Variants in CRACD observed in about 807,000 individuals in gnomAD.
CRACD encodes the protein capping protein-inhibiting regulator of actin dynamics.
CRACD carries 56 observed loss-of-function variants against 106.8 expected under a neutral mutation model. The observed-to-expected ratio is 0.52, with a 90% CI of 0.42 to 0.66. The LOEUF is 0.66. Ranked by LOEUF, CRACD falls within the 30% of genes least tolerant of loss-of-function variation. The pLI is 0.00. For missense variants in CRACD, 1,730 were observed against 1,623.2 expected (o/e 1.07, Z -1.13); for synonymous variants, 754 against 670.8 (o/e 1.12, Z -1.92).
intron 3 of CRACD, among the ~76,000 whole-genome samples, chr4:56,280,148 T>TG (rs1742942251): frequency 1.6e-5 from 1 of 62,632 alleles, no homozygotes; most frequent in Non-Finnish European, 2.9e-5. Flanking sequence ...TGTTGTGGGG[T>TG]GGGGGGAGGG....
intron 2 of CRACD, among the ~76,000 whole-genome samples, chr4:56,199,420 A>G (rs1461936200): frequency 1.3e-5 from 2 of 152,194 alleles, no homozygotes; most frequent in Non-Finnish European, 2.9e-5. Context: ...GCAGTGGCTC[A>G]TGCCTGTAAT....
Position 56,165,692 on chromosome 4 carries a change from G to GA in CRACD, c.-335-13586dup, listed in dbSNP as rs556616651. 2.0e-3 allele frequency among the ~76,000 whole-genome samples: 302 copies of GA among 152,140 alleles called. 1 individual carries two copies. Among genetic ancestry groups the GA allele is most frequent in the African/African-American group, 6.6e-3 (273 of 41,516 alleles). ...TTATGTAGAAAGAGTTACCTCATGA[G>GA]AAAAAAGTCAAATAACATTAATAAT... On this transcript the variant is annotated intron_variant, in intron 1 of 10. Transcript: ENST00000682029.
At chr4:56,138,797 CCTT>C (rs1735093114) in intron 1 of CRACD, among the ~76,000 whole-genome samples, 1 of 152,180 alleles carries the variant, frequency 6.6e-6, no homozygotes, top group Non-Finnish European at 1.5e-5. Flanking sequence ...TAGTTTCAAA[CCTT>C]TTGACCTAGA....
At chr4:56,296,131 A>G (rs1320387959) in intron 3 of CRACD, among the ~76,000 whole-genome samples, 1 of 152,122 alleles carries the variant, frequency 6.6e-6, no homozygotes, top group Non-Finnish European at 1.5e-5. Context: ...CATGATGGCA[A>G]TACTATATGA....
At chr4:56,116,987 C>T (rs918230203) in intron 1 of CRACD, among the ~76,000 whole-genome samples, 1 of 149,304 alleles carries the variant, frequency 6.7e-6, no homozygotes, top group Admixed American at 6.7e-5. Flanking sequence ...GGATTACAGA[C>T]ATGAGCCACC....
chr4:56,086,674 G>C (rs1733230347), intron 1 of CRACD, among the ~76,000 whole-genome samples: 1 of 152,022 alleles, frequency 6.6e-6, no homozygotes, highest in African/African-American at 2.4e-5. Context: ...TTCCATGGCA[G>C]TCAGGAAGTG....
Position 56,325,666 on chromosome 4 carries a change from AAC to A in CRACD, c.3541+1401_3541+1402del, listed in dbSNP as rs567543923. On this transcript the variant is annotated intron_variant, in intron 10 of 10. Coordinates refer to ENST00000682029, the MANE Select transcript of CRACD (RefSeq NM_001393381.1). ...AAAGGTAAAACGATGTAATGTATCC[AAC>A]TATCTCCTTATTACCAATCACTTGA... Among the ~76,000 whole-genome samples the A allele has an allele frequency of 1.7e-3, 257 of 152,324 alleles. 1 individual carries two copies. The highest frequency in any genetic ancestry group is 5.9e-3 in the African/African-American group (246 of 41,564).
At chr4:56,198,518 C>T (rs1336660210) in intron 2 of CRACD, among the ~76,000 whole-genome samples, 5 of 152,162 alleles carry the variant, frequency 3.3e-5, no homozygotes, top group African/African-American at 1.2e-4. Context: ...AGAAAGTATG[C>T]ACTGAACTAC....
chr4:56,122,748 A>G (rs1174356972), intron 1 of CRACD, among the ~76,000 whole-genome samples: 2 of 152,184 alleles, frequency 1.3e-5, no homozygotes, highest in African/African-American at 4.8e-5. Context: ...ATTATATTTC[A>G]AAAATTCAAT....
At chr4:56,190,583 A>G (rs1373830940) in intron 2 of CRACD, among the ~76,000 whole-genome samples, 1 of 152,216 alleles carries the variant, frequency 6.6e-6, no homozygotes, top group Admixed American at 6.5e-5. Flanking sequence ...CTGTTCTCAC[A>G]TCTAGGTCAT....
intron 4 of CRACD, among the ~76,000 whole-genome samples, chr4:56,298,785 T>C (rs1259710188): frequency 2.0e-5 from 3 of 151,938 alleles, no homozygotes; most frequent in Admixed American, 2.0e-4. Context: ...ATGCAAAAAT[T>C]AGCTGGATGT....
rs551737664 is a variant in CRACD at position 56,106,143 on chromosome 4, A to G, written c.-336+56844A>G. Among the ~76,000 whole-genome samples the G allele has an allele frequency of 3.4e-5, 5 of 145,472 alleles. No individual in the cohort carries two copies. In the East Asian group the frequency reaches 1.0e-3, roughly 30 times the overall value. ...GGCAGTGTCCTTCTCCTTGGTTCCC[A>G]TTCAGGGGCCTGGATGAGGCAACTG... On this transcript the variant is annotated intron_variant, in intron 1 of 10. Transcript: ENST00000682029.
At chr4:56,162,279 C>T (rs1005816027) in intron 1 of CRACD, among the ~76,000 whole-genome samples, 36 of 152,250 alleles carry the variant, frequency 2.4e-4, no homozygotes, top group Non-Finnish European at 3.5e-4. Context: ...ACTGTAACCT[C>T]TAACTCCTGG....
chr4:56,307,683 C>A lies in CRACD; in HGVS notation c.269C>A (p.Ser90Ter). Reference sequence around the variant, plus strand: ...GTGACTCAGCAGGACATCGTCCTCTCAGACGCAGAGAACAAGGTAAGTCTC... The same window carrying A: ...GTGACTCAGCAGGACATCGTCCTCTAAGACGCAGAGAACAAGGTAAGTCTC... The part of the protein sequence containing the change: ...EIVTQQDIVL[S>*]DAENKSSDTP... The change falls in exon 5 of 11, where the codon TCA becomes TAA. Residue 90 changes from serine (S) to a stop codon, truncating the protein, a stop_gained. Transcript: ENST00000682029. LOFTEE classifies it high-confidence loss of function. 1 of 1,614,138 alleles carries A rather than the reference C, an allele frequency of 6.2e-7. No individual in the cohort carries two copies. Among genetic ancestry groups the A allele is most frequent in the Non-Finnish European group, 8.5e-7 (1 of 1,180,036 alleles).
chr4:56,185,657 G>A (rs1737058863), intron 2 of CRACD, among the ~76,000 whole-genome samples: 2 of 152,170 alleles, frequency 1.3e-5, no homozygotes, highest in Admixed American at 1.3e-4. Flanking sequence ...CTCTTCATGA[G>A]ACAGATAGCA....
chr4:56,290,239 C>G (rs1560520594), intron 3 of CRACD, among the ~76,000 whole-genome samples: 1 of 152,184 alleles, frequency 6.6e-6, no homozygotes. Context: ...TGAAGGATTT[C>G]TGAAAGTGAA....
chr4:56,068,674 C>G (rs1181347595), intron 1 of CRACD, among the ~76,000 whole-genome samples: 1 of 151,994 alleles, frequency 6.6e-6, no homozygotes, highest in Non-Finnish European at 1.5e-5. Context: ...TTACTTGCAG[C>G]GTGGACGTGG....
rs139631769 is a variant in CRACD, at chr4:56,288,995, T to C, written c.-16-9219T>C. Among the ~76,000 whole-genome samples, 413 of 152,366 alleles carry C rather than the reference T, an allele frequency of 2.7e-3. 1 individual carries two copies. The highest frequency in any genetic ancestry group is 9.5e-3 in the African/African-American group (394 of 41,578). Reference sequence around the variant, plus strand: ...ATGTGGATGAACTTTCAAAACATTATGCTAAGTGAAATAAGCCAGGCACAA... The same window carrying C: ...ATGTGGATGAACTTTCAAAACATTACGCTAAGTGAAATAAGCCAGGCACAA... On this transcript the variant is annotated intron_variant, in intron 3 of 10. Transcript: ENST00000682029.
At chr4:56,077,612 GA>G (rs1732888145) in intron 1 of CRACD, among the ~76,000 whole-genome samples, 1 of 152,190 alleles carries the variant, frequency 6.6e-6, no homozygotes, top group African/African-American at 2.4e-5. Flanking sequence ...ATGGGTAATA[GA>G]TAATGTTTTT....
Sources: allele counts gnomAD v4.1 joint callset (sites outside exome capture counted in the v4.1 genomes callset), GRCh38; gene constraint gnomAD v4.1.1; transcripts MANE v1.5; gene names NCBI Gene and HGNC (gene_info 2026-07-23, HGNC 2026-07-21).